LAMB1: variants seen among roughly 807,000 people sequenced by gnomAD.
LAMB1 encodes the protein laminin subunit beta-1.
LAMB1 carries 121 observed loss-of-function variants against 222.3 expected under a neutral mutation model. The observed-to-expected ratio is 0.54, with a 90% CI of 0.47 to 0.63. The LOEUF (loss-of-function observed/expected upper bound fraction) is 0.63. Among genes scored for constraint, LAMB1 ranks in the 30% least tolerant of loss-of-function variants. The pLI is 0.00. For synonymous variants in LAMB1, 794 were observed against 807.2 expected, an observed-to-expected ratio of 0.98 and a Z score of 0.28; for missense variants, 2,172 against 2,240.8, an observed-to-expected ratio of 0.97 and a Z score of 0.62.
intron 5 of LAMB1, among the ~76,000 whole-genome samples, chr7:107,990,037 GT>G (rs1563007350): frequency 1.3e-5 from 2 of 148,524 alleles, no homozygotes; most frequent in Non-Finnish European, 3.0e-5. Context: ...GTTTTTTTTT[GT>G]TTGTTTGTTT....
At chr7:107,926,469 C>G (rs2032570299) in intron 31 of LAMB1, 110 bp from the exon 32 acceptor site, 2 of 778,700 alleles carry the variant, frequency 2.6e-6, no homozygotes, top group Non-Finnish European at 2.0e-6. Flanking sequence ...TGCTCTAGAC[C>G]AAAAGAAGTA....
intron 24 of LAMB1, among the ~76,000 whole-genome samples, chr7:107,944,513 T>C (rs541085282): frequency 1.3e-5 from 2 of 152,268 alleles, no homozygotes; most frequent in Admixed American, 1.3e-4. Flanking sequence ...AGTGTCATTA[T>C]TGAAAAAGTT....
chr7:107,959,229 T>C lies in LAMB1; in HGVS notation c.2690+20A>G, dbSNP rs762177491. On this transcript the variant is annotated intron_variant, in intron 20 of 33. Coordinates refer to ENST00000222399, the MANE Select transcript of LAMB1 (RefSeq NM_002291.3). ...CAGCCAGAGATCACTACATTCTCCT[T>C]ACTTTCAGCATCTGCATACCTTTCA... The C allele has an allele frequency of 6.3e-7, 1 of 1,584,886 alleles. No homozygotes were observed. Among genetic ancestry groups the C allele is most frequent in the Non-Finnish European group, 8.7e-7 (1 of 1,155,212 alleles).
chr7:107,969,016 T>C (rs1041705484), intron 13 of LAMB1, among the ~76,000 whole-genome samples: 2 of 152,140 alleles, frequency 1.3e-5, no homozygotes, highest in Non-Finnish European at 2.9e-5. Context: ...TGGCTGGGTG[T>C]GGTGGCTCAC....
intron 2 of LAMB1, chr7:108,002,420 T>C: frequency 7.6e-7 from 1 of 1,313,676 alleles, no homozygotes; most frequent in Non-Finnish European, 1.0e-6. Flanking sequence ...GATGGTTAAT[T>C]AAAGCCACAT....
chr7:107,950,923 GGTGTGTGTGTGT>G (rs57060477), intron 24 of LAMB1, among the ~76,000 whole-genome samples: 256 of 147,794 alleles, frequency 1.7e-3, no homozygotes, highest in Middle Eastern at 0.014. Flanking sequence ...GTGTATTTGT[GGTGTGTGTGTGT>G]GTGTGTGTGT....
At chr7:107,977,282 G>A (rs2033886310) in intron 9 of LAMB1, among the ~76,000 whole-genome samples, 1 of 152,152 alleles carries the variant, frequency 6.6e-6, no homozygotes, top group African/African-American at 2.4e-5. Flanking sequence ...ACATGCATCA[G>A]AATCACTGTT....
In LAMB1 at chr7:107,932,366, T is replaced by C. The variant is rs755731516; in HGVS notation, c.4200A>G (p.Thr1400=). 11 of 1,613,986 alleles carry C rather than the reference T, an allele frequency of 6.8e-6. No homozygotes were observed. The change falls in exon 28 of 34, where the codon ACA becomes ACG. Residue 1400 remains threonine, a synonymous_variant. Coordinates refer to ENST00000222399, the MANE Select transcript of LAMB1 (RefSeq NM_002291.3). ...LSAAAEMTCG[T]PPGASCSETE... is the part of the protein sequence containing the mutation. ...TCTCGGAACAGGAGGCCCCTGGGGGTGTTCCACAGGTCTGCAACAAGCCAA... is the reference window on the plus strand; with the variant it reads ...TCTCGGAACAGGAGGCCCCTGGGGGCGTTCCACAGGTCTGCAACAAGCCAA...
chr7:108,002,083 C>A, intron 2 of LAMB1: 1 of 1,469,082 alleles, frequency 6.8e-7, no homozygotes, highest in Non-Finnish European at 9.0e-7. Flanking sequence ...TTCGACGTGT[C>A]CGGAGCCCGG....
At position 107,978,118 on chromosome 7, in the gene LAMB1, T is replaced by A. The variant is rs2033904165; in HGVS notation, c.929A>T (p.Glu310Val). The A allele has an allele frequency of 6.2e-7, 1 of 1,614,098 alleles. No homozygotes were observed. The highest frequency in any genetic ancestry group is 2.2e-5 in the East Asian group (1 of 44,876). The change falls in exon 9 of 34, where the codon GAA becomes GTA. Residue 310 changes from glutamate (E) to valine (V), a missense_variant. Glu to Val is a moderately radical substitution (Grantham distance 121, BLOSUM62 -2). Transcript: ENST00000222399. ...ATCATGGTAGAAATCCATGCAGAGTTCACAGTTTAAGCCCTTGGTGTTATG... is the reference window on the plus strand; with the variant it reads ...ATCATGGTAGAAATCCATGCAGAGTACACAGTTTAAGCCCTTGGTGTTATG... ...CRHNTKGLNCELCMDFYHDLP... is the reference protein window; with the variant it reads ...CRHNTKGLNCVLCMDFYHDLP...
intron 7 of LAMB1, among the ~76,000 whole-genome samples, chr7:107,982,059 A>C (rs2033983468): frequency 6.6e-6 from 1 of 152,204 alleles, no homozygotes; most frequent in Admixed American, 6.5e-5. Context: ...TCTCAAATAC[A>C]AGTTACCTCT....
chr7:107,952,737 G>A (rs1439584014), intron 22 of LAMB1, among the ~76,000 whole-genome samples: 3 of 152,172 alleles, frequency 2.0e-5, no homozygotes, highest in South Asian at 4.2e-4. Flanking sequence ...TGCAGCTGCA[G>A]CAAGAGGAAA....
chr7:107,943,216 G>A (rs1392495726), intron 24 of LAMB1, among the ~76,000 whole-genome samples: 3 of 152,162 alleles, frequency 2.0e-5, no homozygotes, highest in Non-Finnish European at 1.5e-5. Flanking sequence ...AAAAACAAGT[G>A]TCAGCATATT....
intron 31 of LAMB1, among the ~76,000 whole-genome samples, chr7:107,928,195 ATATC>A (rs1425112533): frequency 6.6e-6 from 1 of 152,218 alleles, no homozygotes; most frequent in African/African-American, 2.4e-5. Flanking sequence ...AGTACTTTTA[ATATC>A]TGGTAGTCAC....
In LAMB1 at chr7:107,977,308, G is replaced by C. The variant is rs572928665; in HGVS notation, c.1000+739C>G. 3.3e-5 allele frequency among the ~76,000 whole-genome samples: 5 copies of C among 152,194 alleles called. No homozygotes were observed. In the South Asian group the frequency reaches 1.0e-3, roughly 32 times the overall value. On this transcript the variant is annotated intron_variant, in intron 9 of 33. Coordinates refer to ENST00000222399, the MANE Select transcript of LAMB1 (RefSeq NM_002291.3). The stretch of plus-strand genomic sequence containing the variant: ...AATCACTGTTTGTGGAGTGGGGAGG[G>C]GCAGTGGTGTTGCCGGCTACATCTC...
At chr7:107,943,345 C>T (rs897249392) in intron 24 of LAMB1, among the ~76,000 whole-genome samples, 1 of 151,982 alleles carries the variant, frequency 6.6e-6, no homozygotes, top group Non-Finnish European at 1.5e-5. Context: ...GCCAGTGACA[C>T]CCAAGAGAAA....
chr7:107,994,911 A>G lies in LAMB1; in HGVS notation c.399T>C (p.Phe133=), dbSNP rs2034254820. 2 of 1,602,516 alleles carry G rather than the reference A, an allele frequency of 1.2e-6. No individual in the cohort carries two copies. Among genetic ancestry groups the G allele is most frequent in the South Asian group, 1.1e-5 (1 of 90,722 alleles). Residue 133 remains phenylalanine (F), a synonymous_variant, in exon 5 of 34, where the codon TTT becomes TTC. Transcript: ENST00000222399. ...CCTTGAAAGTCATTATGAGATGAGT[A>G]AAATGGAATTCTGCTTCCAAATCCA... ...IQLDLEAEFH[F]THLIMTFKTF... is the part of the protein sequence containing the mutation.
chr7:107,944,864 CTG>C (rs1233683222), intron 24 of LAMB1, among the ~76,000 whole-genome samples: 3 of 152,314 alleles, frequency 2.0e-5, no homozygotes, highest in Admixed American at 6.5e-5. Context: ...ATCTGAAAAA[CTG>C]TGAACTGACT....
At position 107,933,427 on chromosome 7, in the gene LAMB1, A is replaced by G. The variant is rs2116330890; in HGVS notation, c.4189-1050T>C. Among the ~76,000 whole-genome samples, 3 of 152,322 alleles carry G rather than the reference A, an allele frequency of 2.0e-5. No homozygotes were observed. In the South Asian group the frequency reaches 6.2e-4, roughly 32 times the overall value. On this transcript the variant is annotated intron_variant, in intron 27 of 33. Transcript: ENST00000222399. ...TTCCATTATATCTCAAATTACAACT[A>G]AATAAGTCATTTATCTGGCTTACAA...
Sources: gnomAD v4.1 joint callset for allele counts (sites outside exome capture counted in the v4.1 genomes callset) on GRCh38, gnomAD v4.1.1 for gene constraint, MANE v1.5 for transcripts, NCBI Gene and HGNC (gene_info 2026-07-23, HGNC 2026-07-21) for gene names.